The following AKAP6 variants were observed in gnomAD, a reference collection of about 807,000 sequenced individuals.
AKAP6 encodes the protein A-kinase anchor protein 6.
Under a neutral mutation model 188.5 loss-of-function variants are expected in AKAP6, and 58 were observed. The ratio of observed to expected loss-of-function variants is 0.31; its 90% confidence interval spans 0.25 to 0.38. The LOEUF is 0.38. Ranked by LOEUF, AKAP6 falls within the 10% of genes least tolerant of loss-of-function variation. The probability of loss-of-function intolerance (pLI) is 1.00; values close to 1 mark genes in which losing one functional copy is unlikely to be tolerated. For synonymous variants in AKAP6, 989 were observed against 998.6 expected, an observed-to-expected ratio of 0.99 and a Z score of 0.18; for missense variants, 2,710 against 2,740.0, an observed-to-expected ratio of 0.99 and a Z score of 0.24.
At chr14:32,470,235 G>T (rs1307258144) in intron 2 of AKAP6, among the ~76,000 whole-genome samples, 1 of 152,094 alleles carries the variant, frequency 6.6e-6, no homozygotes, top group Non-Finnish European at 1.5e-5. Flanking sequence ...TGTTAGAAAT[G>T]CAGGATTCTT....
chr14:32,430,486 T>A (rs1445605705), intron 1 of AKAP6, among the ~76,000 whole-genome samples: 2 of 152,068 alleles, frequency 1.3e-5, no homozygotes, highest in Non-Finnish European at 2.9e-5. Context: ...GACTTAGGAG[T>A]TTCAGAGAAA....
At chr14:32,733,970 TTTAAG>T (rs1399409854) in intron 10 of AKAP6, 3 of 152,146 alleles carry the variant, frequency 2.0e-5, no homozygotes, top group African/African-American at 7.2e-5. Context: ...TAGAAAATTG[TTTAAG>T]TTATGTCACA....
chr14:32,727,127 A>T (rs1338043897), intron 9 of AKAP6, among the ~76,000 whole-genome samples: 1 of 152,216 alleles, frequency 6.6e-6, no homozygotes, highest in Non-Finnish European at 1.5e-5. Context: ...ATAATTTTAC[A>T]GGGTATGATC....
chr14:32,353,167 C>T (rs534289302), intron 1 of AKAP6, among the ~76,000 whole-genome samples: 1 of 152,288 alleles, frequency 6.6e-6, no homozygotes, highest in South Asian at 2.1e-4. Context: ...TGATAGGAAT[C>T]CCTTCCATGT....
chr14:32,398,638 T>C (rs1462556802), intron 1 of AKAP6, among the ~76,000 whole-genome samples: 1 of 152,186 alleles, frequency 6.6e-6, no homozygotes, highest in African/African-American at 2.4e-5. Flanking sequence ...GGACAGTCTC[T>C]GTGAATATGT....
intron 13 of AKAP6, 134 bp downstream of exon 13, chr14:32,824,949 G>A: frequency 3.6e-6 from 2 of 560,344 alleles, no homozygotes; most frequent in Non-Finnish European, 2.9e-6. Flanking sequence ...TTAGGTAGAA[G>A]AAATGCTCTC....
chr14:32,732,683 G>T (rs1393038092), intron 10 of AKAP6, 83 bp downstream of exon 10: 1 of 1,454,368 alleles, frequency 6.9e-7, no homozygotes, highest in South Asian at 1.1e-5. Context: ...CTAATTTGAG[G>T]CACAAATATC....
chr14:32,791,110 T>C (rs1454871731), intron 12 of AKAP6, among the ~76,000 whole-genome samples: 2 of 152,184 alleles, frequency 1.3e-5, no homozygotes, highest in Non-Finnish European at 2.9e-5. Flanking sequence ...GTAGAATGAT[T>C]TATAATCCTT....
At chr14:32,590,938 CAT>C (rs1306833354) in intron 5 of AKAP6, among the ~76,000 whole-genome samples, 2 of 152,112 alleles carry the variant, frequency 1.3e-5, no homozygotes, top group African/African-American at 4.8e-5. Flanking sequence ...ATGCATGAAA[CAT>C]GTGGGAGTTG....
chr14:32,741,023 T>C (rs1310029241), intron 11 of AKAP6, among the ~76,000 whole-genome samples: 2 of 151,244 alleles, frequency 1.3e-5, no homozygotes, highest in African/African-American at 4.8e-5. Flanking sequence ...TTTTTCTTTT[T>C]TTTTTTTTGT....
At position 32,433,716 on chromosome 14, in the gene AKAP6, A is replaced by G. The variant is rs777699981; in HGVS notation, c.223A>G (p.Thr75Ala). Residue 75 changes from threonine (T) to alanine (A), a missense_variant, in exon 2 of 14, where the codon ACC (threonine) becomes GCC (alanine). This residue lies in a region of AKAP6 where 237 missense variants were observed against 313.9 expected (regional missense o/e 0.76). Coordinates refer to ENST00000280979, the MANE Select transcript of AKAP6 (RefSeq NM_004274.5). ...KIVLHLPEIE[T>A]WLRMTSERVR... ...TGTCCTCCACTTACCTGAAATTGAG[A>G]CCTGGCTCCGGATGACCTCAGAGAG... 13 of 1,614,062 alleles carry G rather than the reference A, an allele frequency of 8.1e-6. No homozygotes were observed. The highest frequency in any genetic ancestry group is 1.0e-5 in the Non-Finnish European group (12 of 1,180,040).
intron 1 of AKAP6, among the ~76,000 whole-genome samples, chr14:32,407,901 T>C (rs1889349558): frequency 6.6e-6 from 1 of 152,192 alleles, no homozygotes; most frequent in African/African-American, 2.4e-5. Context: ...TAATGACCGC[T>C]AGGAGTTTAG....
Position 32,728,200 on chromosome 14 carries a change from ATTTTTTTTTTTTTTTTTTTT to A in AKAP6, c.3001-4242_3001-4223del, listed in dbSNP as rs3033287. On this transcript the variant is annotated intron_variant, in intron 9 of 13. Coordinates refer to ENST00000280979, the MANE Select transcript of AKAP6 (RefSeq NM_004274.5). ...GAGTTGTAAATAGACACATCCCTGG[ATTTTTTTTTTTTTTTTTTTT>A]TTTTTTTTTTTGCAAAAATGCATAT... Among the ~76,000 whole-genome samples, 12 of 71,058 alleles carry A rather than the reference ATTTTTTTTTTTTTTTTTTTT, an allele frequency of 1.7e-4. No homozygotes were observed. The East Asian group carries it at 3.2e-3, about 19-fold the overall frequency. The allele number at this position is 71,058 out of a possible 152,430, so 46.6% of individuals were successfully genotyped here.
intron 4 of AKAP6, among the ~76,000 whole-genome samples, chr14:32,574,036 G>T (rs1409357469): frequency 1.3e-5 from 2 of 152,140 alleles, no homozygotes; most frequent in Admixed American, 6.6e-5. Flanking sequence ...GAATTGAATG[G>T]ACCCCAATTT....
At chr14:32,492,572 C>T (rs578246197) in intron 2 of AKAP6, among the ~76,000 whole-genome samples, 29 of 151,838 alleles carry the variant, frequency 1.9e-4, no homozygotes, top group Non-Finnish European at 7.4e-5. Flanking sequence ...TGTCATCTTT[C>T]TTCTTTTGTG....
At chr14:32,346,675 A>AT (rs1397561843) in intron 1 of AKAP6, among the ~76,000 whole-genome samples, 1 of 152,100 alleles carries the variant, frequency 6.6e-6, no homozygotes, top group East Asian at 1.9e-4. Context: ...CGCCTGGCTA[A>AT]TTTTTTGTAT....
At chr14:32,385,047 C>G (rs1287647915) in intron 1 of AKAP6, 1 of 151,722 alleles carries the variant, frequency 6.6e-6, no homozygotes, top group East Asian at 1.9e-4. Context: ...ATAAAAAGCT[C>G]TAGACTACTT....
At chr14:32,585,889 T>C (rs1218380665) in intron 5 of AKAP6, among the ~76,000 whole-genome samples, 1 of 152,152 alleles carries the variant, frequency 6.6e-6, no homozygotes, top group Non-Finnish European at 1.5e-5. Context: ...TAGCTGAGAC[T>C]AGATTGGAGT....
At chr14:32,337,082 C>T (rs1179640400) in intron 1 of AKAP6, among the ~76,000 whole-genome samples, 2 of 152,190 alleles carry the variant, frequency 1.3e-5, no homozygotes, top group Admixed American at 6.5e-5. Context: ...CCTTTTAAAA[C>T]TCCTATTAGT....
Sources: gnomAD v4.1 joint callset for allele counts (sites outside exome capture counted in the v4.1 genomes callset) on GRCh38, gnomAD v4.1.1 for gene constraint, gnomAD v4.1.1 regional missense constraint, MANE v1.5 for transcripts, NCBI Gene and HGNC (gene_info 2026-07-23, HGNC 2026-07-21) for gene names.